CPQ: variants seen among roughly 807,000 people sequenced by gnomAD.
CPQ encodes the protein carboxypeptidase Q, also known as Ser-Met dipeptidase.
Under a neutral mutation model 45.7 loss-of-function variants are expected in CPQ, and 37 were observed. The observed-to-expected ratio is 0.81, with a 90% CI of 0.62 to 1.07. The LOEUF (loss-of-function observed/expected upper bound fraction) is 1.07, where lower values mean the gene tolerates loss of function less well. Among genes scored for constraint, CPQ ranks in the 50% least tolerant of loss-of-function variants. The pLI is 0.00. For missense variants in CPQ, 537 were observed against 572.9 expected (o/e 0.94, Z 0.64); for synonymous variants, 186 against 205.8 (o/e 0.90, Z 0.82).
At chr8:97,123,043 TAAATAAAATAAAATAAAATAAAA>T (rs1811761637) in intron 7 of CPQ, among the ~76,000 whole-genome samples, 3 of 16,736 alleles carry the variant, frequency 1.8e-4, no homozygotes, top group Admixed American at 8.1e-4. Flanking sequence ...TAAAATAAAA[TAAATAAAATAAAATAAAATAAAA>T]AAAATAAAAT....
intron 7 of CPQ, among the ~76,000 whole-genome samples, chr8:97,088,453 T>C (rs117759073): frequency 0.055 from 8,446 of 152,288 alleles, 336 homozygotes; most frequent in Non-Finnish European, 0.087. Flanking sequence ...TAAAAAGAAA[T>C]TTTACACAAA....
intron 5 of CPQ, among the ~76,000 whole-genome samples, chr8:97,011,444 C>G (rs1482899409): frequency 6.6e-6 from 1 of 152,186 alleles, no homozygotes; most frequent in Non-Finnish European, 1.5e-5. Context: ...ATTATATTCT[C>G]TAAGTTGAGA....
intron 3 of CPQ, among the ~76,000 whole-genome samples, chr8:96,868,624 CTTAGTAGTTA>C (rs1812024829): frequency 6.6e-6 from 1 of 151,822 alleles, no homozygotes; most frequent in African/African-American, 2.4e-5. Context: ...AAAGTATAAA[CTTAGTAGTTA>C]TATGAAAATG....
chr8:96,975,913 C>T (rs1813770990), intron 5 of CPQ, among the ~76,000 whole-genome samples: 2 of 151,980 alleles, frequency 1.3e-5, no homozygotes, highest in South Asian at 4.1e-4. Context: ...AAAGCATTCC[C>T]CCTGAGAACT....
At chr8:96,821,090 T>A (rs1811299082) in intron 2 of CPQ, among the ~76,000 whole-genome samples, 1 of 150,822 alleles carries the variant, frequency 6.6e-6, no homozygotes, top group African/African-American at 2.4e-5. Flanking sequence ...TTTTGAGAAA[T>A]GTCTGTTCAA....
At chr8:96,719,340 C>T (rs1039850762) in intron 1 of CPQ, among the ~76,000 whole-genome samples, 6 of 152,256 alleles carry the variant, frequency 3.9e-5, no homozygotes, top group African/African-American at 1.2e-4. Context: ...TGCTAAGTTC[C>T]TCATTGCCCA....
chr8:96,647,045 T>C (rs115116062), intron 1 of CPQ, among the ~76,000 whole-genome samples: 3,544 of 152,300 alleles, frequency 0.023, 146 homozygotes, highest in African/African-American at 0.082. Flanking sequence ...CCAGTATATC[T>C]GGGGAACTGC....
intron 1 of CPQ, among the ~76,000 whole-genome samples, chr8:96,702,694 C>T (rs892191831): frequency 2.0e-5 from 3 of 152,176 alleles, no homozygotes; most frequent in Non-Finnish European, 2.9e-5. Flanking sequence ...TAAGATCACA[C>T]AGCTAGTAAG....
rs1811957752 is a variant in CPQ, at chr8:97,131,592, T to A, written c.1256-11428T>A. Reference sequence around the variant, plus strand: ...GTTTCAGACTCTTGGTCCCTCTAGCTATAATTCTACTTCTGACAGTGGCCC... The same window carrying A: ...GTTTCAGACTCTTGGTCCCTCTAGCAATAATTCTACTTCTGACAGTGGCCC... On this transcript the variant is annotated intron_variant, in intron 7 of 7. Transcript: ENST00000220763. Among the ~76,000 whole-genome samples, 4 of 152,228 alleles carry A rather than the reference T, an allele frequency of 2.6e-5. No individual in the cohort carries two copies. In the South Asian group the frequency reaches 8.3e-4, roughly 31 times the overall value.
intron 1 of CPQ, among the ~76,000 whole-genome samples, chr8:96,743,145 T>G (rs1810120450): frequency 6.6e-6 from 1 of 152,170 alleles, no homozygotes; most frequent in Non-Finnish European, 1.5e-5. Flanking sequence ...TTTCACGTAG[T>G]CCCATATTTC....
At chr8:96,829,835 C>T (rs1811428997) in intron 2 of CPQ, among the ~76,000 whole-genome samples, 1 of 152,100 alleles carries the variant, frequency 6.6e-6, no homozygotes, top group South Asian at 2.1e-4. Context: ...CCAGATTATA[C>T]AATCCTTAAG....
chr8:97,043,021 G>C (rs964477873), intron 6 of CPQ, among the ~76,000 whole-genome samples: 10 of 150,662 alleles, frequency 6.6e-5, no homozygotes, highest in African/African-American at 2.4e-4. Context: ...GCAGAGCTGA[G>C]TTCAATTCCT....
intron 7 of CPQ, among the ~76,000 whole-genome samples, chr8:97,103,218 C>A (rs1238035773): frequency 6.6e-6 from 1 of 152,146 alleles, no homozygotes; most frequent in Non-Finnish European, 1.5e-5. Context: ...GTGACACTCA[C>A]GGGCCCTAGG....
chr8:96,699,788 G>A (rs1017381082), intron 1 of CPQ, among the ~76,000 whole-genome samples: 2 of 152,070 alleles, frequency 1.3e-5, no homozygotes, highest in African/African-American at 2.4e-5. Context: ...AATAACTGGG[G>A]TCAGACACCT....
chr8:97,126,413 A>C (rs1811848494), intron 7 of CPQ, among the ~76,000 whole-genome samples: 1 of 152,200 alleles, frequency 6.6e-6, no homozygotes, highest in South Asian at 2.1e-4. Context: ...CAGGCATGCA[A>C]GCATGAGAAC....
At chr8:97,073,788 A>G (rs535689882) in intron 7 of CPQ, among the ~76,000 whole-genome samples, 1 of 152,340 alleles carries the variant, frequency 6.6e-6, no homozygotes, top group African/African-American at 2.4e-5. Context: ...AACAGTAGAC[A>G]TTGATAAAGG....
intron 2 of CPQ, among the ~76,000 whole-genome samples, chr8:96,804,639 A>G (rs115432023): frequency 0.011 from 1,718 of 152,212 alleles, 42 homozygotes; most frequent in African/African-American, 0.038. Flanking sequence ...ATAGGCATCA[A>G]TGAAATAATT....
chr8:96,766,673 A>G (rs1470491963), intron 1 of CPQ, among the ~76,000 whole-genome samples: 2 of 152,216 alleles, frequency 1.3e-5, no homozygotes, highest in East Asian at 3.9e-4. Context: ...TAAGTGGAGA[A>G]TAAAATCATC....
chr8:96,919,079 C>T (rs1309014848), intron 4 of CPQ, among the ~76,000 whole-genome samples: 2 of 152,002 alleles, frequency 1.3e-5, no homozygotes, highest in African/African-American at 4.8e-5. Context: ...ATTCCTGTAT[C>T]TGCTTGACAT....
Sources: allele counts gnomAD v4.1 joint callset (sites outside exome capture counted in the v4.1 genomes callset), GRCh38; gene constraint gnomAD v4.1.1; transcripts MANE v1.5; gene names NCBI Gene and HGNC (gene_info 2026-07-23, HGNC 2026-07-21).